Variants in APTX observed in about 807,000 individuals in gnomAD.
APTX encodes the protein forkhead-associated domain histidine triad-like protein.
APTX carries 33 observed loss-of-function variants against 42.3 expected under a neutral mutation model. The observed-to-expected ratio is 0.78, with a 90% CI of 0.59 to 1.04. APTX has a LOEUF of 1.04. APTX is among the 50% of genes least tolerant of loss of function. APTX has a pLI of 0.00. For synonymous variants in APTX, 130 were observed against 146.7 expected, an observed-to-expected ratio of 0.89 and a Z score of 0.82; for missense variants, 421 against 415.1, an observed-to-expected ratio of 1.01 and a Z score of -0.12.
chr9:33,006,391 T>A (rs1208849770), upstream of APTX, among the ~76,000 whole-genome samples: 1 of 152,192 alleles, frequency 6.6e-6, no homozygotes, highest in Non-Finnish European at 1.5e-5. Flanking sequence ...GCTCTCCAGT[T>A]TGCCACTGTT....
upstream of APTX, among the ~76,000 whole-genome samples, chr9:33,002,776 C>T (rs1367350813): frequency 6.6e-6 from 1 of 152,148 alleles, no homozygotes. Flanking sequence ...TTTTCTTTAA[C>T]AAAATTGAGA....
Position 33,001,579 on chromosome 9 carries a change from G to A in APTX, c.-17C>T. ...ACGACCGCCTTACCTCCAGAAGTCG[G>A]AGACGGACAAATTCACGTTACTCAT... On this transcript the variant is annotated 5_prime_UTR_variant, in exon 1 of 8. Coordinates refer to ENST00000379817, the MANE Select transcript of APTX (RefSeq NM_001195248.2). The A allele has an allele frequency of 1.2e-6, 2 of 1,613,924 alleles. No homozygotes were observed. Among genetic ancestry groups the A allele is most frequent in the Non-Finnish European group, 1.7e-6 (2 of 1,180,030 alleles).
Position 33,001,608 on chromosome 9 carries a change from T to C in APTX, c.-46A>G. The C allele has an allele frequency of 6.2e-7, 1 of 1,613,930 alleles. No homozygotes were observed. Among genetic ancestry groups the C allele is most frequent in the Non-Finnish European group, 8.5e-7 (1 of 1,180,012 alleles). On this transcript the variant is annotated 5_prime_UTR_variant, in exon 1 of 8. Coordinates refer to ENST00000379817, the MANE Select transcript of APTX (RefSeq NM_001195248.2). Reference sequence around the variant, plus strand: ...CGGACAAATTCACGTTACTCATCTGTGCCTCACCGCTTCCGGCGCTGCGGG... The same window carrying C: ...CGGACAAATTCACGTTACTCATCTGCGCCTCACCGCTTCCGGCGCTGCGGG...
At chr9:32,975,632 G>A (rs1222829040) in intron 6 of APTX, among the ~76,000 whole-genome samples, 1 of 152,194 alleles carries the variant, frequency 6.6e-6, no homozygotes, top group Non-Finnish European at 1.5e-5. Context: ...CTAGGAGGTG[G>A]AGGTTGCAGT....
At chr9:32,980,242 C>T (rs1830386731) in intron 6 of APTX, 1 of 153,146 alleles carries the variant, frequency 6.5e-6, no homozygotes, top group Non-Finnish European at 1.5e-5. Flanking sequence ...CTTTATGCTG[C>T]TTGCCATTAG....
At chr9:33,019,785 G>A (rs1296498812) in intron 1 of APTX, 31 of 604,396 alleles carry the variant, frequency 5.1e-5, no homozygotes, top group Non-Finnish European at 8.3e-5. Flanking sequence ...AGGGAAATTC[G>A]GAGCAGGCAA....
intron 1 of APTX, among the ~76,000 whole-genome samples, chr9:32,994,724 A>C (rs1341937602): frequency 3.3e-5 from 5 of 152,184 alleles, no homozygotes; most frequent in African/African-American, 1.2e-4. Flanking sequence ...GTGATCTTTG[A>C]TCTTTGATGC....
At chr9:32,987,124 T>C (rs983712841) in intron 4 of APTX, among the ~76,000 whole-genome samples, 1 of 152,218 alleles carries the variant, frequency 6.6e-6, no homozygotes, top group Non-Finnish European at 1.5e-5. Flanking sequence ...AGCCTTCCTA[T>C]ATTCACAGCT....
chr9:32,986,934 G>T (rs367620163), intron 4 of APTX, among the ~76,000 whole-genome samples: 22 of 152,140 alleles, frequency 1.4e-4, no homozygotes, highest in East Asian at 9.6e-4. Context: ...TCAGCCTCCC[G>T]AGTAGCTGGG....
At position 32,978,572 on chromosome 9, in the gene APTX, G is replaced by C. The variant is rs12379006; in HGVS notation, c.771-4011C>G. Among the ~76,000 whole-genome samples the C allele has an allele frequency of 1.2e-3, 186 of 152,284 alleles. 1 individual carries two copies. In the East Asian group the frequency reaches 0.023, roughly 19 times the overall value. ...TGGGGTTATCATTTTCTAAGCCCCA[G>C]CAACACTATCTGTGAAATGGAAGTG... On this transcript the variant is annotated intron_variant, in intron 6 of 7. Coordinates refer to ENST00000379817, the MANE Select transcript of APTX (RefSeq NM_001195248.2).
chr9:32,989,505 AT>A (rs1833029672), intron 2 of APTX: 3 of 618,858 alleles, frequency 4.8e-6, no homozygotes, highest in Non-Finnish European at 9.0e-6. Context: ...GCAGGACTCA[AT>A]TCCACCATCC....
At chr9:33,024,795 T>G (rs2119357345) in intron 1 of APTX, 1 of 144,822 alleles carries the variant, frequency 6.9e-6, no homozygotes, top group Non-Finnish European at 1.5e-5. Context: ...GTCTGGGGAC[T>G]AGACCCACCT....
intron 1 of APTX, chr9:32,990,204 G>A (rs966519567): frequency 4.5e-5 from 12 of 267,310 alleles, no homozygotes; most frequent in South Asian, 3.2e-4. Context: ...ACAGAGTCTC[G>A]CTGTGTCCCC....
chr9:33,009,502 G>C (rs934218403), intron 1 of APTX, among the ~76,000 whole-genome samples: 1 of 152,124 alleles, frequency 6.6e-6, no homozygotes, highest in African/African-American at 2.4e-5. Flanking sequence ...TGCAACTAGA[G>C]AAAATATTTC....
intron 1 of APTX, among the ~76,000 whole-genome samples, chr9:32,995,812 C>T (rs981946875): frequency 1.3e-5 from 2 of 149,922 alleles, no homozygotes; most frequent in Admixed American, 6.8e-5. Flanking sequence ...GGTGTGAATC[C>T]GGGAGGCGGA....
chr9:32,977,779 T>A (rs971480879), intron 6 of APTX, among the ~76,000 whole-genome samples: 13 of 151,422 alleles, frequency 8.6e-5, no homozygotes, highest in African/African-American at 2.9e-4. Flanking sequence ...TTCAGGGAGC[T>A]GAGATTGCAC....
intron 6 of APTX, among the ~76,000 whole-genome samples, chr9:32,978,569 C>A (rs1829988404): frequency 6.6e-6 from 1 of 152,044 alleles, no homozygotes; most frequent in Non-Finnish European, 1.5e-5. Context: ...TTTCTAAGCC[C>A]CAGCAACACT....
At chr9:32,990,265 C>T (rs767863544) in intron 1 of APTX, among the ~76,000 whole-genome samples, 32 of 152,246 alleles carry the variant, frequency 2.1e-4, no homozygotes, top group Non-Finnish European at 2.8e-4. Flanking sequence ...CTCCACCTTC[C>T]GGGTTCAAGC....
At chr9:32,995,760 C>T (rs1418947117) in intron 1 of APTX, among the ~76,000 whole-genome samples, 1 of 151,972 alleles carries the variant, frequency 6.6e-6, no homozygotes, top group Non-Finnish European at 1.5e-5. Flanking sequence ...TGGTGGCGGG[C>T]ACCTGTAGTC....
Sources: allele counts gnomAD v4.1 joint callset (sites outside exome capture counted in the v4.1 genomes callset), GRCh38; gene constraint gnomAD v4.1.1; transcripts MANE v1.5; gene names NCBI Gene and HGNC (gene_info 2026-07-23, HGNC 2026-07-21).